NLGN4X: variants seen among roughly 807,000 people sequenced by gnomAD.
The protein encoded by NLGN4X is neuroligin-4, X-linked.
Under a neutral mutation model 40.3 loss-of-function variants are expected in NLGN4X, and 3 were observed. The observed-to-expected ratio is 0.07, with a 90% CI of 0.03 to 0.19. The LOEUF (loss-of-function observed/expected upper bound fraction) is 0.19, where lower values mean the gene tolerates loss of function less well. Among genes scored for constraint, NLGN4X ranks in the 10% least tolerant of loss-of-function variants. NLGN4X has a pLI of 1.00. For synonymous variants in NLGN4X, 270 were observed against 306.8 expected (o/e 0.88, Z 1.25); for missense variants, 382 against 708.3 (o/e 0.54, Z 5.23).
intron 3 of NLGN4X, among the ~76,000 whole-genome samples, chrX:5,947,450 G>C (rs2034165859): frequency 8.9e-6 from 1 of 111,916 alleles, no homozygotes; most frequent in African/African-American, 3.2e-5. Context: ...CAGGAAATTT[G>C]GGGGGAAAGT....
chrX:5,916,428 A>G (rs997621076), intron 3 of NLGN4X, among the ~76,000 whole-genome samples: 1 of 105,096 alleles, frequency 9.5e-6, no homozygotes, highest in Non-Finnish European at 2.0e-5. Flanking sequence ...TGAATACTAC[A>G]TATCATTTAT....
At chrX:6,084,787 G>A (rs2038456521) in intron 2 of NLGN4X, among the ~76,000 whole-genome samples, 1 of 110,555 alleles carries the variant, frequency 9.0e-6, no homozygotes, top group Non-Finnish European at 1.9e-5. Flanking sequence ...TAAGCTCTTT[G>A]CCCTTCTGCC....
chrX:6,080,794 T>G (rs114049136), intron 2 of NLGN4X, among the ~76,000 whole-genome samples: 1 of 111,553 alleles, frequency 9.0e-6, no homozygotes, highest in Non-Finnish European at 1.9e-5. Context: ...ACAAATGAAG[T>G]ATCCACATCT....
In NLGN4X at chrX:6,134,528, C is replaced by A. The variant is rs1317309400; in HGVS notation, c.472+16467G>T. On this transcript the variant is annotated intron_variant, in intron 2 of 5. Transcript: ENST00000381095. ...GATTCCAGTTAGTTGTGCATTTTCC[C>A]CTGTATGTTCTGCAAGGAAAGTGAT... is the stretch of plus-strand genomic sequence containing the variant. 4.5e-5 allele frequency among the ~76,000 whole-genome samples: 5 copies of A among 112,065 alleles called. No homozygotes were observed. In the East Asian group the frequency reaches 8.4e-4, roughly 19 times the overall value.
Position 5,890,250 on chromosome X carries a change from C to A in NLGN4X, c.*2567G>T, listed in dbSNP as rs1055275071. 6.2e-6 allele frequency: 1 copy of A among 161,413 alleles called. No homozygotes were observed. The highest frequency in any genetic ancestry group is 7.9e-5 in the Admixed American group (1 of 12,593). The allele number at this position is 161,413 out of a possible 1,213,427, so 13.3% of individuals were successfully genotyped here. A position where few individuals can be genotyped will look rare whatever the true frequency, so the allele number is the denominator to read the frequency against. On this transcript the variant is annotated 3_prime_UTR_variant, in exon 6 of 6. Transcript: ENST00000381095. The stretch of plus-strand genomic sequence containing the variant: ...GGATTTTTTTTTTTCTTACTTTTTT[C>A]TCATTTTTTTTCTTTTTTCTCTTTT...
intron 3 of NLGN4X, 120 bp from the exon 4 acceptor site, chrX:5,909,359 C>G: frequency 1.2e-6 from 1 of 845,127 alleles, no homozygotes; most frequent in African/African-American, 2.0e-5. Context: ...CAACTCTCAC[C>G]CCCACCAATT....
At chrX:6,080,338 C>T (rs2038316120) in intron 2 of NLGN4X, among the ~76,000 whole-genome samples, 1 of 111,314 alleles carries the variant, frequency 9.0e-6, no homozygotes, top group African/African-American at 3.3e-5. Flanking sequence ...CCTGACATTC[C>T]GAATCCAAAG....
intron 3 of NLGN4X, chrX:5,991,358 C>T (rs1408716325): frequency 2.1e-6 from 1 of 475,977 alleles, no homozygotes; most frequent in Non-Finnish European, 3.9e-6. Context: ...ATAGCAGAAA[C>T]CTCCCTGTCT....
At chrX:6,021,235 C>T (rs1262914319) in intron 3 of NLGN4X, among the ~76,000 whole-genome samples, 3 of 108,238 alleles carry the variant, frequency 2.8e-5, no homozygotes, top group African/African-American at 1.0e-4. Context: ...AGCCACTGCA[C>T]CTAGCCTTCC....
intron 2 of NLGN4X, among the ~76,000 whole-genome samples, chrX:6,103,166 T>G (rs2038956055): frequency 1.8e-5 from 2 of 111,605 alleles, no homozygotes; most frequent in Middle Eastern, 4.6e-3. Flanking sequence ...TGAGATGAGG[T>G]TTAATATTTA....
At position 6,030,394 on chromosome X, in the gene NLGN4X, A is replaced by ATGTGTG. The variant is rs35006258; in HGVS notation, c.473-968_473-963dup. On this transcript the variant is annotated intron_variant, in intron 2 of 5. Transcript: ENST00000381095. Reference sequence around the variant, plus strand: ...CGTATAAATATTTCTGGATACAGATATGTGTGTGTGTGTGTGTGTGTGTGT... The same window carrying ATGTGTG: ...CGTATAAATATTTCTGGATACAGATATGTGTGTGTGTGTGTGTGTGTGTGTGTGTGT... Among the ~76,000 whole-genome samples, 790 of 100,110 alleles carry ATGTGTG rather than the reference A, an allele frequency of 7.9e-3. 8 individuals carry two copies. Among genetic ancestry groups the ATGTGTG allele is most frequent in the East Asian group, 0.012 (38 of 3,107 alleles). 86.9% of individuals were successfully genotyped at this position (100,110 alleles called of 115,157 possible).
At chrX:6,007,799 C>T in intron 3 of NLGN4X, among the ~76,000 whole-genome samples, 1 of 111,709 alleles carries the variant, frequency 9.0e-6, no homozygotes, top group Middle Eastern at 4.7e-3. Flanking sequence ...TGGTCAAAAG[C>T]ATGGAAATTT....
At chrX:6,049,769 C>G in intron 2 of NLGN4X, among the ~76,000 whole-genome samples, 1 of 105,245 alleles carries the variant, frequency 9.5e-6, no homozygotes, top group East Asian at 3.0e-4. Flanking sequence ...TAAAGAGCTA[C>G]TCAAATGAAG....
At chrX:6,189,100 C>T (rs1240739788) in intron 1 of NLGN4X, among the ~76,000 whole-genome samples, 1 of 112,350 alleles carries the variant, frequency 8.9e-6, no homozygotes, top group African/African-American at 3.2e-5. Context: ...ATACCAAAAA[C>T]CTAGTAATTG....
intron 2 of NLGN4X, among the ~76,000 whole-genome samples, chrX:6,097,597 C>A (rs755730590): frequency 1.8e-5 from 2 of 111,695 alleles, no homozygotes; most frequent in African/African-American, 6.5e-5. Context: ...AGTAGAGAAA[C>A]ACTAAAATTC....
chrX:6,069,314 T>C (rs1602169698), intron 2 of NLGN4X, among the ~76,000 whole-genome samples: 1 of 109,673 alleles, frequency 9.1e-6, no homozygotes, highest in Admixed American at 9.7e-5. Flanking sequence ...TAAATAAAAG[T>C]AGACATCCAT....
At chrX:5,984,944 A>G (rs911882575) in intron 3 of NLGN4X, among the ~76,000 whole-genome samples, 3 of 112,015 alleles carry the variant, frequency 2.7e-5, no homozygotes, top group Non-Finnish European at 3.8e-5. Flanking sequence ...CATAAATAAA[A>G]TAGTGTAATC....
At chrX:6,024,424 C>T (rs1424105568) in intron 3 of NLGN4X, among the ~76,000 whole-genome samples, 1 of 110,854 alleles carries the variant, frequency 9.0e-6, no homozygotes, top group African/African-American at 3.3e-5. Context: ...ACGTTTGAAC[C>T]AGAGCACCTC....
At chrX:5,954,634 G>GTCTC (rs200878268) in intron 3 of NLGN4X, among the ~76,000 whole-genome samples, 2,731 of 94,859 alleles carry the variant, frequency 0.029, 39 homozygotes, top group South Asian at 0.041. Context: ...CTCTGTCTCT[G>GTCTC]TCTCTCTCTC....
Sources: gnomAD v4.1 joint callset for allele counts (sites outside exome capture counted in the v4.1 genomes callset) on GRCh38, gnomAD v4.1.1 for gene constraint, MANE v1.5 for transcripts, NCBI Gene and HGNC (gene_info 2026-07-23, HGNC 2026-07-21) for gene names.